ATP9A: variants seen among roughly 807,000 people sequenced by gnomAD.
The protein encoded by ATP9A is probable phospholipid-transporting ATPase IIA.
Under a neutral mutation model 144.1 loss-of-function variants are expected in ATP9A, and 52 were observed. The observed-to-expected ratio is 0.36, with a 90% CI of 0.29 to 0.45. ATP9A has a LOEUF of 0.45. Ranked by LOEUF, ATP9A falls within the 20% of genes least tolerant of loss-of-function variation. The pLI, the probability that ATP9A is intolerant of heterozygous loss-of-function variation, is 1.00. For missense variants in ATP9A, 947 were observed against 1,392.7 expected (o/e 0.68, Z 5.09); for synonymous variants, 582 against 557.4 (o/e 1.04, Z -0.62).
intron 1 of ATP9A, among the ~76,000 whole-genome samples, chr20:51,750,636 C>T (rs916451524): frequency 2.6e-5 from 4 of 152,226 alleles, no homozygotes; most frequent in African/African-American, 9.6e-5. Context: ...GACTGTCCTA[C>T]ATCAAGGGCT....
At chr20:51,624,149 C>T (rs561969044) in intron 18 of ATP9A, among the ~76,000 whole-genome samples, 11 of 152,286 alleles carry the variant, frequency 7.2e-5, no homozygotes, top group Admixed American at 5.2e-4. Flanking sequence ...TTCCTTATGA[C>T]GAACCAGGCC....
At chr20:51,700,122 C>G (rs781490753) in intron 4 of ATP9A, among the ~76,000 whole-genome samples, 5 of 152,166 alleles carry the variant, frequency 3.3e-5, no homozygotes, top group African/African-American at 7.2e-5. Context: ...GTGACCGGAG[C>G]CCTGGCCTGC....
At chr20:51,639,550 T>C in intron 14 of ATP9A, 46 bp from the exon 15 acceptor site, 1 of 1,567,400 alleles carries the variant, frequency 6.4e-7, no homozygotes, top group Non-Finnish European at 8.6e-7. Flanking sequence ...GCCGAGAATC[T>C]GGGTTCACAG....
chr20:51,687,888 C>T (rs1027403655), intron 9 of ATP9A, among the ~76,000 whole-genome samples: 17 of 152,104 alleles, frequency 1.1e-4, no homozygotes, highest in African/African-American at 3.9e-4. Flanking sequence ...AAAATTGATT[C>T]ATCTAATAGT....
chr20:51,660,105 G>C (rs2077405015), intron 13 of ATP9A, among the ~76,000 whole-genome samples: 1 of 152,128 alleles, frequency 6.6e-6, no homozygotes, highest in South Asian at 2.1e-4. Flanking sequence ...TATAATTTAG[G>C]TTCTAGCCAC....
At chr20:51,749,390 C>T (rs1326699806) in intron 1 of ATP9A, among the ~76,000 whole-genome samples, 2 of 151,992 alleles carry the variant, frequency 1.3e-5, no homozygotes, top group Non-Finnish European at 2.9e-5. Flanking sequence ...CTCAGCCTTC[C>T]GAGTAGCTGG....
At chr20:51,682,912 A>G (rs2077506491) in intron 9 of ATP9A, among the ~76,000 whole-genome samples, 1 of 150,432 alleles carries the variant, frequency 6.6e-6, no homozygotes, top group African/African-American at 2.4e-5. Flanking sequence ...CCAACATGGT[A>G]AAACCTCATC....
chr20:51,626,494 TAA>T (rs11483918), intron 17 of ATP9A, among the ~76,000 whole-genome samples: 3 of 133,960 alleles, frequency 2.2e-5, no homozygotes, highest in Admixed American at 7.4e-5. Context: ...CTGTCACAAA[TAA>T]AAAAAAAAAA....
chr20:51,617,766 G>A (rs543403828), intron 21 of ATP9A, among the ~76,000 whole-genome samples: 11 of 152,298 alleles, frequency 7.2e-5, no homozygotes, highest in Admixed American at 5.9e-4. Context: ...GGCTTGCCAA[G>A]GGTCCCGGCA....
chr20:51,725,373 C>T (rs559724959), intron 3 of ATP9A, among the ~76,000 whole-genome samples: 21 of 152,130 alleles, frequency 1.4e-4, no homozygotes, highest in South Asian at 1.0e-3. Flanking sequence ...CCTCCCACCT[C>T]GGCCTCCCAA....
In ATP9A at chr20:51,657,035, GT is replaced by G; in HGVS notation, c.1408del (p.Thr470LeufsTer9). 1.2e-6 allele frequency: 2 copies of G among 1,614,218 alleles called. No individual in the cohort carries two copies. Among genetic ancestry groups the G allele is most frequent in the Non-Finnish European group, 1.7e-6 (2 of 1,180,036 alleles). ...CACACCGTTGGACTCATACACGGGA[GT>G]CACGTTGTGGCAGAGCGCGATGGCC... ...VKAIALCHNV[T>X]PVYESNGVTD... On this transcript the variant is annotated frameshift_variant, in exon 14 of 28. Coordinates refer to ENST00000338821, the MANE Select transcript of ATP9A (RefSeq NM_006045.3). LOFTEE classifies it high-confidence loss of function.
chr20:51,749,606 T>G (rs1388804204), intron 1 of ATP9A, among the ~76,000 whole-genome samples: 1 of 152,174 alleles, frequency 6.6e-6, no homozygotes, highest in East Asian at 1.9e-4. Flanking sequence ...GTAGGGTATA[T>G]TAATAATAGA....
chr20:51,648,394 T>C (rs1342748409), intron 14 of ATP9A, among the ~76,000 whole-genome samples: 1 of 152,166 alleles, frequency 6.6e-6, no homozygotes, highest in Non-Finnish European at 1.5e-5. Context: ...TGGTCAAAGA[T>C]GTGCAGAGAG....
chr20:51,644,050 G>A (rs1358532660), intron 14 of ATP9A, among the ~76,000 whole-genome samples: 1 of 151,954 alleles, frequency 6.6e-6, no homozygotes, highest in African/African-American at 2.4e-5. Flanking sequence ...CAGGAGAATC[G>A]CGTGAACCCC....
intron 7 of ATP9A, among the ~76,000 whole-genome samples, chr20:51,691,621 G>C (rs1332329369): frequency 6.6e-6 from 1 of 152,246 alleles, no homozygotes; most frequent in Non-Finnish European, 1.5e-5. Flanking sequence ...AAGATGTGGA[G>C]AATGTGGAGG....
At chr20:51,631,580 A>T (rs111706990) in intron 15 of ATP9A, among the ~76,000 whole-genome samples, 1 of 152,100 alleles carries the variant, frequency 6.6e-6, no homozygotes, top group Admixed American at 6.6e-5. Flanking sequence ...AGTTCATCAC[A>T]AGTTTATTTC....
intron 4 of ATP9A, among the ~76,000 whole-genome samples, chr20:51,697,911 T>C (rs186702204): frequency 6.8e-4 from 103 of 152,354 alleles, no homozygotes; most frequent in African/African-American, 2.4e-3. Context: ...CTTTTTAATT[T>C]ATAATTGCTA....
At chr20:51,657,866 G>A (rs1041942375) in intron 13 of ATP9A, among the ~76,000 whole-genome samples, 9 of 152,250 alleles carry the variant, frequency 5.9e-5, no homozygotes, top group South Asian at 2.1e-4. Context: ...CTAGACTTTC[G>A]GGTGTAATGG....
intron 1 of ATP9A, among the ~76,000 whole-genome samples, chr20:51,742,184 G>A (rs1261449893): frequency 6.6e-6 from 1 of 151,994 alleles, no homozygotes; most frequent in Non-Finnish European, 1.5e-5. Flanking sequence ...TAATTAGCCA[G>A]GCATGGTGGA....
Sources: gnomAD v4.1 joint callset for allele counts (sites outside exome capture counted in the v4.1 genomes callset) on GRCh38, gnomAD v4.1.1 for gene constraint, MANE v1.5 for transcripts, NCBI Gene and HGNC (gene_info 2026-07-23, HGNC 2026-07-21) for gene names.